HIKESHI: variants seen among roughly 807,000 people sequenced by gnomAD.
The protein encoded by HIKESHI is protein Hikeshi.
Under a neutral mutation model 25.7 loss-of-function variants are expected in HIKESHI, and 13 were observed. The ratio of observed to expected loss-of-function variants is 0.51; its 90% confidence interval spans 0.33 to 0.80. The LOEUF is 0.80. HIKESHI is among the 30% of genes least tolerant of loss of function. The pLI is 0.02. For missense variants in HIKESHI, 174 were observed against 229.5 expected (o/e 0.76, Z 1.56); for synonymous variants, 76 against 78.7 (o/e 0.97, Z 0.18).
At chr11:86,344,779 G>A (rs1317878745) in intron 4 of HIKESHI, 58 bp downstream of exon 4, 2 of 1,130,200 alleles carry the variant, frequency 1.8e-6, no homozygotes, top group Admixed American at 1.8e-5. Context: ...TATCTATTTT[G>A]TCTATGAATA....
At chr11:86,311,409 C>A (rs527582343) in intron 2 of HIKESHI, among the ~76,000 whole-genome samples, 1 of 151,838 alleles carries the variant, frequency 6.6e-6, no homozygotes, top group Admixed American at 6.6e-5. Context: ...TGGTGATATC[C>A]CCTTTATCAT....
intron 2 of HIKESHI, among the ~76,000 whole-genome samples, chr11:86,330,248 A>G (rs543637042): frequency 1.2e-4 from 18 of 152,314 alleles, no homozygotes; most frequent in Admixed American, 6.5e-4. Flanking sequence ...CAGACTTGGT[A>G]ATTTTTATAG....
intron 2 of HIKESHI, among the ~76,000 whole-genome samples, chr11:86,308,120 A>G (rs1946713315): frequency 7.8e-6 from 1 of 128,316 alleles, no homozygotes; most frequent in South Asian, 2.2e-4. Context: ...TATATACAGT[A>G]TACTATGTAT....
intron 2 of HIKESHI, among the ~76,000 whole-genome samples, chr11:86,315,395 A>C (rs1174971157): frequency 6.6e-6 from 1 of 151,880 alleles, no homozygotes; most frequent in East Asian, 1.9e-4. Context: ...ATCTCAGCTC[A>C]CCACAACCTC....
intron 2 of HIKESHI, among the ~76,000 whole-genome samples, chr11:86,313,363 T>C (rs1481863311): frequency 6.6e-6 from 1 of 152,146 alleles, no homozygotes; most frequent in Non-Finnish European, 1.5e-5. Context: ...GCTGAGTACT[T>C]GGGATTACAG....
chr11:86,302,255 G>A lies in HIKESHI; in HGVS notation c.-194G>A. ...GGAAGTACTTGTTGCCTGAGCAGTG[G>A]GCTGCTTAGGAAGAGAAGGTCAGAG... On this transcript the variant is annotated 5_prime_UTR_variant, in exon 1 of 5. Coordinates refer to ENST00000278483, the MANE Select transcript of HIKESHI (RefSeq NM_016401.4). The A allele has an allele frequency of 1.6e-6, 1 of 631,640 alleles. No individual in the cohort carries two copies. Among genetic ancestry groups the A allele is most frequent in the South Asian group, 1.8e-5 (1 of 57,048 alleles). 39.1% of individuals were successfully genotyped at this position (631,640 alleles called of 1,614,324 possible).
At chr11:86,324,241 G>C (rs187148477) in intron 2 of HIKESHI, 4 of 152,136 alleles carry the variant, frequency 2.6e-5, no homozygotes, top group Non-Finnish European at 5.9e-5. Flanking sequence ...GAACTCCTGC[G>C]CTCAAACAGT....
intron 2 of HIKESHI, among the ~76,000 whole-genome samples, chr11:86,322,605 A>C (rs992648718): frequency 1.3e-5 from 2 of 152,028 alleles, no homozygotes; most frequent in Admixed American, 6.6e-5. Flanking sequence ...TTTGTAGAGA[A>C]GTTTTAAATT....
chr11:86,340,326 C>T (rs1226484074), intron 3 of HIKESHI, among the ~76,000 whole-genome samples: 1 of 152,206 alleles, frequency 6.6e-6, no homozygotes, highest in East Asian at 1.9e-4. Context: ...GGAATTGCCA[C>T]ACTGTCTTCC....
intron 2 of HIKESHI, among the ~76,000 whole-genome samples, chr11:86,319,486 G>A (rs1947097189): frequency 1.3e-5 from 2 of 151,518 alleles, no homozygotes; most frequent in Non-Finnish European, 2.9e-5. Context: ...CGAACTCCTG[G>A]GCTCAAGCAG....
intron 2 of HIKESHI, among the ~76,000 whole-genome samples, chr11:86,313,416 G>A (rs1390397802): frequency 1.3e-5 from 2 of 152,084 alleles, no homozygotes; most frequent in Non-Finnish European, 2.9e-5. Context: ...ATTTTTAGTA[G>A]AGATGGGGTT....
At chr11:86,320,125 T>A (rs182804614) in intron 2 of HIKESHI, among the ~76,000 whole-genome samples, 50 of 152,322 alleles carry the variant, frequency 3.3e-4, no homozygotes, top group African/African-American at 1.1e-3. Flanking sequence ...ACAATTTTTT[T>A]AAAGAATTAT....
intron 3 of HIKESHI, among the ~76,000 whole-genome samples, chr11:86,338,346 G>A (rs928528453): frequency 1.3e-5 from 2 of 152,140 alleles, no homozygotes; most frequent in Admixed American, 1.3e-4. Flanking sequence ...GGAGAGCAAG[G>A]AGAACTGCTA....
At chr11:86,341,761 T>TA (rs1947738602) in intron 3 of HIKESHI, among the ~76,000 whole-genome samples, 1 of 152,200 alleles carries the variant, frequency 6.6e-6, no homozygotes, top group African/African-American at 2.4e-5. Context: ...ATAGACAAGG[T>TA]ATTATTTCAC....
At chr11:86,345,468 T>A in intron 4 of HIKESHI, 116 bp from the exon 5 acceptor site, 1 of 631,610 alleles carries the variant, frequency 1.6e-6, no homozygotes, top group East Asian at 3.1e-5. Flanking sequence ...TTTTAGATTT[T>A]TTATAGCTTT....
At chr11:86,304,838 T>A (rs1481481814) in intron 1 of HIKESHI, among the ~76,000 whole-genome samples, 3 of 152,124 alleles carry the variant, frequency 2.0e-5, no homozygotes, top group Non-Finnish European at 2.9e-5. Context: ...TTTTTACTAC[T>A]GTTCATATGA....
At chr11:86,344,805 A>C in intron 4 of HIKESHI, 84 bp downstream of exon 4, 1 of 929,380 alleles carries the variant, frequency 1.1e-6, no homozygotes, top group East Asian at 2.4e-5. Context: ...CTTTTTTGAC[A>C]TTTAAACATA....
chr11:86,323,656 C>A (rs977670250), intron 2 of HIKESHI, among the ~76,000 whole-genome samples: 4 of 152,196 alleles, frequency 2.6e-5, no homozygotes, highest in African/African-American at 9.6e-5. Flanking sequence ...GCTTAGGGAA[C>A]AGTGAAAATG....
chr11:86,333,528 C>CT (rs1390445774), intron 2 of HIKESHI, among the ~76,000 whole-genome samples: 2 of 148,576 alleles, frequency 1.3e-5, no homozygotes, highest in East Asian at 4.0e-4. Flanking sequence ...GAGTGAGACT[C>CT]TGTCTCAACA....
Sources: gnomAD v4.1 joint callset for allele counts (sites outside exome capture counted in the v4.1 genomes callset) on GRCh38, gnomAD v4.1.1 for gene constraint, MANE v1.5 for transcripts, NCBI Gene and HGNC (gene_info 2026-07-23, HGNC 2026-07-21) for gene names.